The following SOS1 variants were observed in gnomAD, a reference collection of about 807,000 sequenced individuals.
The protein encoded by SOS1 is SOS Ras/Rac guanine nucleotide exchange factor 1, also known as son of sevenless homolog 1.
A neutral mutation model predicts 157.6 loss-of-function variants in SOS1; 25 were observed. That is an observed-to-expected ratio of 0.16 (90% CI 0.12 to 0.22). SOS1 has a LOEUF of 0.22. SOS1 is among the 10% of genes least tolerant of loss of function. The pLI is 1.00. For synonymous variants in SOS1, 528 were observed against 534.0 expected (o/e 0.99, Z 0.16); for missense variants, 1,237 against 1,599.1 (o/e 0.77, Z 3.86).
At chr2:39,042,933 T>C (rs1381701608) in intron 6 of SOS1, among the ~76,000 whole-genome samples, 1 of 152,060 alleles carries the variant, frequency 6.6e-6, no homozygotes, top group African/African-American at 2.4e-5. Context: ...ATTATACAAA[T>C]TTTCTTGGGT....
At chr2:39,115,892 T>A (rs1027998849) in intron 1 of SOS1, among the ~76,000 whole-genome samples, 1 of 152,218 alleles carries the variant, frequency 6.6e-6, no homozygotes, top group Admixed American at 6.5e-5. Context: ...AAGCTTCATC[T>A]ATATTTATGG....
rs758671659 is a variant in SOS1, at chr2:38,983,370, C to G, written c.*2454G>C. On this transcript the variant is annotated 3_prime_UTR_variant, in exon 23 of 23. Transcript: ENST00000402219. ...CAATTGGCATTTTTCTAATCAGTTA[C>G]CACTGCAGAAAATATTTTTACCTAA... is the stretch of plus-strand genomic sequence containing the variant. 1.3e-5 allele frequency: 2 copies of G among 152,126 alleles called. No homozygotes were observed. The highest frequency in any genetic ancestry group is 2.9e-5 in the Non-Finnish European group (2 of 67,996). 9.4% of individuals were successfully genotyped at this position (152,126 alleles called of 1,614,324 possible).
At chr2:38,996,673 G>C (rs112463819) in intron 19 of SOS1, among the ~76,000 whole-genome samples, 27 of 151,680 alleles carry the variant, frequency 1.8e-4, no homozygotes, top group African/African-American at 6.5e-4. Context: ...ACATTTTTTG[G>C]GGTAAAAAAA....
At chr2:39,063,241 GCCT>G (rs1333734897) in intron 2 of SOS1, among the ~76,000 whole-genome samples, 1 of 151,880 alleles carries the variant, frequency 6.6e-6, no homozygotes, top group Admixed American at 6.6e-5. Flanking sequence ...TCCCACCTCA[GCCT>G]CCTAAGTAGG....
intron 5 of SOS1, 23 bp from the exon 6 acceptor site, chr2:39,051,310 A>T (rs1473839124): frequency 3.1e-6 from 5 of 1,600,460 alleles, no homozygotes; most frequent in Non-Finnish European, 4.3e-6. Context: ...AAACACATTA[A>T]TTCAGTGAGG....
At chr2:39,080,889 A>G (rs1163992537) in intron 1 of SOS1, among the ~76,000 whole-genome samples, 2 of 152,206 alleles carry the variant, frequency 1.3e-5, no homozygotes, top group Non-Finnish European at 2.9e-5. Flanking sequence ...ACAACCTACA[A>G]AATAATTTTT....
chr2:39,011,713 T>C (rs1377863), intron 14 of SOS1, among the ~76,000 whole-genome samples: 127,632 of 152,180 alleles, frequency 0.84, 54,671 homozygotes, highest in Non-Finnish European at 0.93. Context: ...CTAACATTTA[T>C]TGAGCCCTTA....
upstream of SOS1, among the ~76,000 whole-genome samples, chr2:39,121,398 A>C (rs897033592): frequency 6.6e-6 from 1 of 152,196 alleles, no homozygotes; most frequent in East Asian, 1.9e-4. Context: ...CAGAGCACGC[A>C]ATGTATAGTA....
intron 6 of SOS1, among the ~76,000 whole-genome samples, chr2:39,045,286 G>GTGTC (rs1670739116): frequency 6.6e-6 from 1 of 151,516 alleles, no homozygotes; most frequent in Non-Finnish European, 1.5e-5. Context: ...GTGTGTGTGT[G>GTGTC]TGTGTGTGTG....
intron 8 of SOS1, among the ~76,000 whole-genome samples, chr2:39,033,428 C>T (rs889106809): frequency 6.6e-6 from 1 of 151,988 alleles, no homozygotes; most frequent in Non-Finnish European, 1.5e-5. Flanking sequence ...ATTTTAATTG[C>T]CTACACTTGA....
At chr2:39,064,396 AC>A (rs1313148517) in intron 2 of SOS1, among the ~76,000 whole-genome samples, 1 of 152,212 alleles carries the variant, frequency 6.6e-6, no homozygotes, top group Non-Finnish European at 1.5e-5. Context: ...AAACATTTGG[AC>A]CATAGCAAAT....
rs367976289 is a variant in SOS1, at chr2:38,982,105, AC to A, written c.*3718del. 7.0e-3 allele frequency: 1,070 copies of A among 152,266 alleles called. 6 individuals are homozygous for A. Among genetic ancestry groups the A allele is most frequent in the Middle Eastern group, 0.014 (4 of 294 alleles). 9.4% of individuals were successfully genotyped at this position (152,266 alleles called of 1,614,324 possible). A position where few individuals can be genotyped will look rare whatever the true frequency, so the allele number is the denominator to read the frequency against. On this transcript the variant is annotated 3_prime_UTR_variant, in exon 23 of 23. Coordinates refer to ENST00000402219, the MANE Select transcript of SOS1 (RefSeq NM_005633.4). ...TTTCTTTGAGTGGTAGTCCAATGTGACCCACTGTTAGCTAATTTGCTTTATA... is the reference window on the plus strand; with the variant it reads ...TTTCTTTGAGTGGTAGTCCAATGTGACCACTGTTAGCTAATTTGCTTTATA...
At chr2:39,073,030 T>G (rs1388739563) in intron 1 of SOS1, among the ~76,000 whole-genome samples, 7 of 152,214 alleles carry the variant, frequency 4.6e-5, no homozygotes, top group Admixed American at 2.6e-4. Context: ...AGAAGTAGTA[T>G]TATATTTCAC....
At position 39,101,476 on chromosome 2, in the gene SOS1, T is replaced by C. The variant is rs188434235; in HGVS notation, c.87+18860A>G. 1.4e-3 allele frequency among the ~76,000 whole-genome samples: 208 copies of C among 152,244 alleles called. 1 individual carries two copies. Among genetic ancestry groups the C allele is most frequent in the African/African-American group, 3.6e-3 (150 of 41,542 alleles). The stretch of plus-strand genomic sequence containing the variant: ...GTTGAACAACTAGATGATACAGAAA[T>C]AAACTTTATGCATAGCATTATATGT... On this transcript the variant is annotated intron_variant, in intron 1 of 22. Coordinates refer to ENST00000402219, the MANE Select transcript of SOS1 (RefSeq NM_005633.4).
intron 10 of SOS1, among the ~76,000 whole-genome samples, chr2:39,017,180 AACCTAG>A (rs1669657400): frequency 6.6e-6 from 1 of 152,054 alleles, no homozygotes; most frequent in Non-Finnish European, 1.5e-5. Context: ...ATGGACCCAG[AACCTAG>A]ATCATGTGAT....
intron 1 of SOS1, among the ~76,000 whole-genome samples, chr2:39,114,065 T>C (rs549354248): frequency 3.7e-4 from 57 of 152,250 alleles, no homozygotes; most frequent in African/African-American, 1.3e-3. Flanking sequence ...TAGCCTGGTA[T>C]GATCAATGAC....
chr2:39,033,047 AG>A lies in SOS1; in HGVS notation c.1074+2164del, dbSNP rs546960778. On this transcript the variant is annotated intron_variant, in intron 8 of 22. Transcript: ENST00000402219. ...AACCCTGAACACATTTGGCATATCC[AG>A]GGCTGCTAGGAAATTCTTTTTCTTC... Among the ~76,000 whole-genome samples the A allele has an allele frequency of 6.6e-5, 10 of 151,802 alleles. No homozygotes were observed. The South Asian group carries it at 2.1e-3, about 32-fold the overall frequency.
At chr2:39,037,656 G>T (rs1051059490) in intron 6 of SOS1, among the ~76,000 whole-genome samples, 1 of 150,782 alleles carries the variant, frequency 6.6e-6, no homozygotes, top group Admixed American at 6.6e-5. Flanking sequence ...TGGCAACCCT[G>T]TGTGAAGCAA....
rs1290607008 is a variant in SOS1 at position 38,986,242 on chromosome 2, CGTG to C, written c.3581_3583del (p.Pro1194del). Reference sequence around the variant, plus strand: ...AGAGGTCCGGTCTGATATTGAATATCGTGGTGAATAGGCTTTTGATGTGGGTTG... The same window carrying C: ...AGAGGTCCGGTCTGATATTGAATATCGTGAATAGGCTTTTGATGTGGGTTG... On this transcript the variant is annotated inframe_deletion, in exon 23 of 23. Transcript: ENST00000402219. 1 of 1,613,550 alleles carries C rather than the reference CGTG, an allele frequency of 6.2e-7. No individual in the cohort carries two copies. The highest frequency in any genetic ancestry group is 1.3e-5 in the African/African-American group (1 of 74,810).
Sources: allele counts gnomAD v4.1 joint callset (sites outside exome capture counted in the v4.1 genomes callset), GRCh38; gene constraint gnomAD v4.1.1; transcripts MANE v1.5; gene names NCBI Gene and HGNC (gene_info 2026-07-23, HGNC 2026-07-21).